Variants in KCNMB1 observed in about 807,000 individuals in gnomAD.
The protein encoded by KCNMB1 is potassium calcium-activated channel subfamily M regulatory beta subunit 1, also known as calcium-activated potassium channel subunit beta-1.
A neutral mutation model predicts 21.7 loss-of-function variants in KCNMB1; 22 were observed. The observed-to-expected ratio is 1.01, with a 90% confidence interval of 0.72 to 1.45. The LOEUF is 1.45. Among genes scored for constraint, KCNMB1 ranks in the 40% most tolerant of loss-of-function variants. The probability of loss-of-function intolerance (pLI) is 0.00; values close to 1 mark genes in which losing one functional copy is unlikely to be tolerated. For synonymous variants in KCNMB1, 114 were observed against 107.6 expected, an observed-to-expected ratio of 1.06 and a Z score of -0.37; for missense variants, 243 against 243.4, an observed-to-expected ratio of 1.00 and a Z score of 0.01.
rs1262023025 is a variant in KCNMB1 at position 170,375,022 on chromosome 5, T to C, written c.*3682A>G. 1 of 152,176 alleles carries C rather than the reference T, an allele frequency of 6.6e-6. No individual in the cohort carries two copies. Among genetic ancestry groups the C allele is most frequent in the Non-Finnish European group, 1.5e-5 (1 of 68,030 alleles). 9.4% of individuals were successfully genotyped at this position (152,176 alleles called of 1,614,324 possible). ...TATTCTGAGTTTCTGTGTATTTTAG[T>C]CCCAAATTCAGGTGCATGGAAACCA... is the stretch of plus-strand genomic sequence containing the variant. On this transcript the variant is annotated 3_prime_UTR_variant, in exon 4 of 4. Coordinates refer to ENST00000274629, the MANE Select transcript of KCNMB1 (RefSeq NM_004137.4).
intron 1 of KCNMB1, among the ~76,000 whole-genome samples, chr5:170,386,938 T>A (rs1764499118): frequency 6.6e-6 from 1 of 152,114 alleles, no homozygotes; most frequent in Admixed American, 6.5e-5. Flanking sequence ...GCTAGGCTCC[T>A]GATCGCTCCC....
At chr5:170,385,982 C>T (rs145255869) in intron 1 of KCNMB1, among the ~76,000 whole-genome samples, 3,925 of 151,456 alleles carry the variant, frequency 0.026, 59 homozygotes, top group African/African-American at 0.04. Flanking sequence ...AAAAATTAGC[C>T]GGGTGTGGTC....
intron 3 of KCNMB1, among the ~76,000 whole-genome samples, chr5:170,381,979 C>G (rs761057704): frequency 4.6e-5 from 7 of 152,108 alleles, no homozygotes; most frequent in Non-Finnish European, 1.0e-4. Context: ...CCCAGACCCA[C>G]TTCTCATTGA....
intron 1 of KCNMB1, among the ~76,000 whole-genome samples, chr5:170,388,278 C>CTAGGAG (rs1764567715): frequency 6.6e-6 from 1 of 152,192 alleles, no homozygotes; most frequent in Non-Finnish European, 1.5e-5. Flanking sequence ...ATAAATCCTC[C>CTAGGAG]TAAGACCATG....
At chr5:170,379,665 G>A (rs1453567965) in intron 3 of KCNMB1, among the ~76,000 whole-genome samples, 1 of 152,186 alleles carries the variant, frequency 6.6e-6, no homozygotes. Flanking sequence ...AACACTTTAA[G>A]AGAAGTTAGA....
chr5:170,385,555 G>A, intron 1 of KCNMB1, 84 bp from the exon 2 acceptor site: 2 of 1,231,346 alleles, frequency 1.6e-6, no homozygotes, highest in Non-Finnish European at 1.2e-6. Flanking sequence ...AGAGGGGAAG[G>A]TACTCAACTA....
chr5:170,378,598 G>C lies in KCNMB1; in HGVS notation c.*106C>G. Reference sequence around the variant, plus strand: ...AGACAGCGTGGATTGGACTGGAAGAGTGGGAGGGCAGGTGGAGAAGGCATT... The same window carrying C: ...AGACAGCGTGGATTGGACTGGAAGACTGGGAGGGCAGGTGGAGAAGGCATT... On this transcript the variant is annotated 3_prime_UTR_variant, in exon 4 of 4. Coordinates refer to ENST00000274629, the MANE Select transcript of KCNMB1 (RefSeq NM_004137.4). The C allele has an allele frequency of 8.4e-7, 1 of 1,185,824 alleles. No individual in the cohort carries two copies. Among genetic ancestry groups the C allele is most frequent in the Non-Finnish European group, 1.2e-6 (1 of 839,138 alleles). The allele number at this position is 1,185,824 out of a possible 1,614,324, so 73.5% of individuals were successfully genotyped here.
chr5:170,384,351 G>A (rs1344732133), intron 2 of KCNMB1, among the ~76,000 whole-genome samples: 2 of 152,218 alleles, frequency 1.3e-5, no homozygotes, highest in Non-Finnish European at 2.9e-5. Flanking sequence ...GGTCTGAGTG[G>A]GTTGGAGAGC....
At chr5:170,381,315 G>A (rs899978971) in intron 3 of KCNMB1, among the ~76,000 whole-genome samples, 1 of 152,234 alleles carries the variant, frequency 6.6e-6, no homozygotes, top group African/African-American at 2.4e-5. Flanking sequence ...GCCCTGCAGT[G>A]TAAGGTCCCC....
At chr5:170,381,928 G>A (rs1341602991) in intron 3 of KCNMB1, among the ~76,000 whole-genome samples, 2 of 152,166 alleles carry the variant, frequency 1.3e-5, no homozygotes, top group Non-Finnish European at 2.9e-5. Flanking sequence ...GTGGGGCCGA[G>A]TCATACTAGC....
chr5:170,388,260 G>C (rs1303950261), intron 1 of KCNMB1, among the ~76,000 whole-genome samples: 1 of 152,230 alleles, frequency 6.6e-6, no homozygotes, highest in African/African-American at 2.4e-5. Context: ...TGAGTTTATA[G>C]AGTCATGATA....
At chr5:170,379,294 A>C (rs1427301806) in intron 3 of KCNMB1, among the ~76,000 whole-genome samples, 1 of 152,148 alleles carries the variant, frequency 6.6e-6, no homozygotes. Flanking sequence ...CTGAGCCCTG[A>C]AGCTTCATCA....
rs1349805227 is a variant in KCNMB1, at chr5:170,383,730, G to A, written c.255C>T (p.Gly85=). The part of the protein sequence containing the change: ...PCLWVNVSAA[G]RWAVLYHTED... ...CCGTGTGGTACAGCACAGCCCACCTGCCGGCAGCTGACACGTTGACCCACA... is the reference window on the plus strand; with the variant it reads ...CCGTGTGGTACAGCACAGCCCACCTACCGGCAGCTGACACGTTGACCCACA... Residue 85 remains glycine (G), a synonymous_variant, in exon 3 of 4, where the codon GGC becomes GGT. Transcript: ENST00000274629. 6.2e-7 allele frequency: 1 copy of A among 1,614,046 alleles called. No homozygotes were observed. Among genetic ancestry groups the A allele is most frequent in the Non-Finnish European group, 8.5e-7 (1 of 1,180,030 alleles).
At chr5:170,383,640 G>A (rs538353830) in intron 3 of KCNMB1, 39 bp downstream of exon 3, 2 of 1,609,078 alleles carry the variant, frequency 1.2e-6, no homozygotes, top group South Asian at 1.1e-5. Flanking sequence ...ACACCTGACA[G>A]GGATAAAGGG....
chr5:170,389,239 C>T lies in KCNMB1; in HGVS notation c.-25+20G>A, dbSNP rs1764611718. The T allele has an allele frequency of 6.6e-6, 1 of 152,250 alleles. No individual in the cohort carries two copies. 9.4% of individuals were successfully genotyped at this position (152,250 alleles called of 1,614,324 possible). A position where few individuals can be genotyped will look rare whatever the true frequency, so the allele number is the denominator to read the frequency against. ...CTTCAGAGAAATCACTTCCCAAGTG[C>T]TTTCAGGCCCGGTACTCACAGTCTT... is the stretch of plus-strand genomic sequence containing the variant. On this transcript the variant is annotated intron_variant, in intron 1 of 3. Transcript: ENST00000274629.
In KCNMB1 at chr5:170,378,522, G is replaced by T; in HGVS notation, c.*182C>A. ...TTGGGGAGCCACTGTACATTCTTGA[G>T]CAGGCAATGACTTCACAAAAGGATT... On this transcript the variant is annotated 3_prime_UTR_variant, in exon 4 of 4. Coordinates refer to ENST00000274629, the MANE Select transcript of KCNMB1 (RefSeq NM_004137.4). 1 of 708,786 alleles carries T rather than the reference G, an allele frequency of 1.4e-6. No homozygotes were observed. Among genetic ancestry groups the T allele is most frequent in the Non-Finnish European group, 2.3e-6 (1 of 427,060 alleles). The allele number at this position is 708,786 out of a possible 1,614,324, so 43.9% of individuals were successfully genotyped here.
Position 170,383,740 on chromosome 5 carries a change from G to C in KCNMB1, c.245C>G (p.Ser82Ter). 6.2e-7 allele frequency: 1 copy of C among 1,614,190 alleles called. No individual in the cohort carries two copies. Among genetic ancestry groups the C allele is most frequent in the Non-Finnish European group, 8.5e-7 (1 of 1,180,024 alleles). The change falls in exon 3 of 4, where the codon TCA (serine) becomes TGA (stop). Residue 82 changes from serine to a stop codon, truncating the protein, a stop_gained. Transcript: ENST00000274629. LOFTEE classifies it high-confidence loss of function. ...CAGCACAGCCCACCTGCCGGCAGCT[G>C]ACACGTTGACCCACAGGCATGGGTA... ...PQYPCLWVNVSAAGRWAVLYH... is the reference protein window; with the variant it reads ...PQYPCLWVNV
At chr5:170,383,448 T>G (rs1764334051) in intron 3 of KCNMB1, 1 of 614,700 alleles carries the variant, frequency 1.6e-6, no homozygotes, top group South Asian at 1.9e-5. Context: ...ACTGAGGAGG[T>G]GAGAGGCTAA....
At chr5:170,379,029 G>A in intron 3 of KCNMB1, 56 bp from the exon 4 acceptor site, 1 of 1,582,168 alleles carries the variant, frequency 6.3e-7, no homozygotes, top group Non-Finnish European at 8.6e-7. Context: ...TCTTAGCCAA[G>A]GGCTTGATAT....
Sources: gnomAD v4.1 joint callset for allele counts (sites outside exome capture counted in the v4.1 genomes callset) on GRCh38, gnomAD v4.1.1 for gene constraint, MANE v1.5 for transcripts, NCBI Gene and HGNC (gene_info 2026-07-23, HGNC 2026-07-21) for gene names.